The following PDE1C variants were observed in gnomAD, a reference collection of about 807,000 sequenced individuals.
The protein encoded by PDE1C is dual specificity calcium/calmodulin-dependent 3',5'-cyclic nucleotide phosphodiesterase 1C.
In PDE1C, 62 loss-of-function variants were observed where a neutral mutation model predicts 93.1. The observed-to-expected ratio is 0.67, with a 90% confidence interval of 0.54 to 0.82. The LOEUF (loss-of-function observed/expected upper bound fraction) is 0.82, where lower values mean the gene tolerates loss of function less well. PDE1C is among the 40% of genes least tolerant of loss of function. The pLI is 0.00. For missense variants in PDE1C, 742 were observed against 884.6 expected (o/e 0.84, Z 2.04); for synonymous variants, 325 against 310.1 (o/e 1.05, Z -0.50).
the PDE1C span, among the ~76,000 whole-genome samples, chr7:31,717,526 G>A: frequency 6.6e-6 from 1 of 152,136 alleles, no homozygotes; most frequent in Non-Finnish European, 1.5e-5. Context: ...AGAGAATCCA[G>A]AAAGTAAGAA....
chr7:31,929,649 T>C (rs1405819795), intron 2 of PDE1C, among the ~76,000 whole-genome samples: 1 of 152,114 alleles, frequency 6.6e-6, no homozygotes, highest in East Asian at 1.9e-4. Context: ...ACCACACAAC[T>C]ACATGGAAAT....
chr7:31,940,052 C>T (rs963686945), intron 2 of PDE1C, among the ~76,000 whole-genome samples: 1 of 152,158 alleles, frequency 6.6e-6, no homozygotes, highest in Non-Finnish European at 1.5e-5. Context: ...ATTAGAATCA[C>T]CGGGGGAAGT....
chr7:32,183,331 C>A (rs1373642159), intron 2 of PDE1C, among the ~76,000 whole-genome samples: 2 of 152,160 alleles, frequency 1.3e-5, no homozygotes, highest in African/African-American at 2.4e-5. Flanking sequence ...AAAAAAGAGC[C>A]CGCATTGCCA....
intron 3 of PDE1C, among the ~76,000 whole-genome samples, chr7:32,122,627 T>C (rs562065574): frequency 3.3e-5 from 5 of 152,154 alleles, no homozygotes; most frequent in East Asian, 3.9e-4. Flanking sequence ...GGGTAAATAA[T>C]GAAATTAAGG....
At chr7:31,686,024 C>T in the PDE1C span, among the ~76,000 whole-genome samples, 1 of 152,204 alleles carries the variant, frequency 6.6e-6, no homozygotes, top group African/African-American at 2.4e-5. Flanking sequence ...CACCAACAAA[C>T]ACATTGCCAG....
intron 3 of PDE1C, among the ~76,000 whole-genome samples, chr7:32,112,865 T>TAC (rs1563323145): frequency 1.2e-4 from 18 of 144,792 alleles, no homozygotes; most frequent in African/African-American, 4.5e-4. Context: ...TATATATATA[T>TAC]ATATATATCT....
Position 32,258,515 on chromosome 7 carries a change from G to A in PDE1C, c.85+40136C>T, listed in dbSNP as rs116974091. On this transcript the variant is annotated intron_variant, in intron 1 of 18. Transcript: ENST00000396193. ...GGTGACTGATGTGCTGAGGGACAAGGGCAAGGGCACGCCCTGCCAAATTCT... is the reference window on the plus strand; with the variant it reads ...GGTGACTGATGTGCTGAGGGACAAGAGCAAGGGCACGCCCTGCCAAATTCT... Among the ~76,000 whole-genome samples the A allele has an allele frequency of 3.5e-4, 53 of 152,256 alleles. 1 individual carries two copies. In the East Asian group the frequency reaches 5.6e-3, roughly 16 times the overall value.
chr7:31,625,569 C>G, the PDE1C span, among the ~76,000 whole-genome samples: 2 of 151,388 alleles, frequency 1.3e-5, no homozygotes, highest in African/African-American at 4.9e-5. Context: ...GGGAATTGAA[C>G]AATGGGAACA....
At chr7:31,639,037 A>C in the PDE1C span, among the ~76,000 whole-genome samples, 5 of 152,294 alleles carry the variant, frequency 3.3e-5, no homozygotes, top group Non-Finnish European at 5.9e-5. Context: ...TCGGCCTCCC[A>C]AAGTGCTGGG....
intron 2 of PDE1C, among the ~76,000 whole-genome samples, chr7:31,886,881 G>GAATAGATCTTTTCGGAATAGATCTTTTCA (rs1583793857): frequency 6.9e-5 from 1 of 14,576 alleles, no homozygotes. Flanking sequence ...GATCTATTCA[G>GAATAGATCTTTTCGGAATAGATCTTTTCA]GGGCGTGTCA....
intron 1 of PDE1C, among the ~76,000 whole-genome samples, chr7:32,065,864 A>G (rs1406834963): frequency 6.6e-6 from 1 of 152,238 alleles, no homozygotes; most frequent in African/African-American, 2.4e-5. Context: ...CAGAGAAACC[A>G]AATTCAAAAC....
chr7:31,768,231 T>G (rs940671611), intron 17 of PDE1C, among the ~76,000 whole-genome samples: 1 of 152,318 alleles, frequency 6.6e-6, no homozygotes, highest in Non-Finnish European at 1.5e-5. Context: ...TGGTGTTTAC[T>G]TGAGACTTTT....
upstream of PDE1C, among the ~76,000 whole-genome samples, chr7:32,075,531 T>C (rs955256584): frequency 5.9e-5 from 9 of 151,988 alleles, no homozygotes; most frequent in African/African-American, 2.2e-4. Context: ...TCTGACGTCT[T>C]TTTCTGTTTG....
intron 13 of PDE1C, 26 bp downstream of exon 13, chr7:31,824,841 C>T (rs1308459138): frequency 1.2e-6 from 2 of 1,610,964 alleles, no homozygotes; most frequent in South Asian, 1.1e-5. Context: ...CAACCTCACC[C>T]TCAGCCCTCA....
rs1411246220 is a variant in PDE1C at position 31,880,860 on chromosome 7, T to C, written c.129A>G (p.Arg43=). Residue 43 remains arginine (R), a splice_region_variant and synonymous_variant, in exon 3 of 18, where the codon AGA becomes AGG. Transcript: ENST00000396191. The part of the protein sequence containing the change: ...GLRKYKKTSQ[R]LRSLVKQLER... Reference sequence around the variant, plus strand: ...CTAATTGTTTGACCAAAGACCGTAATCTAGAAAAATAAAAAGACATAATTT... The same window carrying C: ...CTAATTGTTTGACCAAAGACCGTAACCTAGAAAAATAAAAAGACATAATTT... 4.5e-6 allele frequency: 7 copies of C among 1,549,666 alleles called. No homozygotes were observed. Among genetic ancestry groups the C allele is most frequent in the African/African-American group, 1.4e-5 (1 of 73,502 alleles).
At chr7:32,281,736 C>T (rs930993249) in intron 1 of PDE1C, among the ~76,000 whole-genome samples, 11 of 152,116 alleles carry the variant, frequency 7.2e-5, no homozygotes, top group African/African-American at 1.7e-4. Flanking sequence ...ATGTTTGTTG[C>T]GGCACTATTC....
intron 1 of PDE1C, among the ~76,000 whole-genome samples, chr7:32,053,460 T>G (rs1408452513): frequency 6.6e-6 from 1 of 152,192 alleles, no homozygotes; most frequent in Non-Finnish European, 1.5e-5. Context: ...CCTGTGCCCT[T>G]GGACTCATTA....
At chr7:32,247,853 T>C (rs1809080239) in intron 1 of PDE1C, among the ~76,000 whole-genome samples, 1 of 152,110 alleles carries the variant, frequency 6.6e-6, no homozygotes, top group Admixed American at 6.5e-5. Flanking sequence ...TATCAGGACA[T>C]AACCCCATCA....
chr7:31,689,552 C>T, the PDE1C span, among the ~76,000 whole-genome samples: 1 of 151,998 alleles, frequency 6.6e-6, no homozygotes, highest in Non-Finnish European at 1.5e-5. Flanking sequence ...GGAAATATTC[C>T]ATTTCCTATG....
Sources: gnomAD v4.1 joint callset for allele counts (sites outside exome capture counted in the v4.1 genomes callset) on GRCh38, gnomAD v4.1.1 for gene constraint, MANE v1.5 for transcripts, NCBI Gene and HGNC (gene_info 2026-07-23, HGNC 2026-07-21) for gene names.